The following SHLD2 variants were observed in gnomAD, a reference collection of about 807,000 sequenced individuals.
SHLD2 encodes RINN1-REV7-interacting novel NHEJ regulator 2.
Under a neutral mutation model 73.2 loss-of-function variants are expected in SHLD2, and 30 were observed. That is an observed-to-expected ratio of 0.41 (90% CI 0.31 to 0.56). The LOEUF (loss-of-function observed/expected upper bound fraction) is 0.56. SHLD2 is among the 20% of genes least tolerant of loss of function. SHLD2 has a pLI of 0.28. For missense variants in SHLD2, 745 were observed against 1,055.9 expected, an observed-to-expected ratio of 0.71 and a Z score of 4.08; for synonymous variants, 285 against 370.1, an observed-to-expected ratio of 0.77 and a Z score of 2.64.
intron 2 of SHLD2, among the ~76,000 whole-genome samples, chr10:87,147,698 T>C (rs10466230): frequency 0.16 from 24,227 of 151,350 alleles, 2,049 homozygotes; most frequent in African/African-American, 0.19. Flanking sequence ...ATTATATGAC[T>C]TTTTTTCTGA....
intron 2 of SHLD2, among the ~76,000 whole-genome samples, chr10:87,133,595 T>C (rs1423395756): frequency 6.6e-6 from 1 of 152,240 alleles, no homozygotes; most frequent in Non-Finnish European, 1.5e-5. Flanking sequence ...TCTTATTCTA[T>C]TGTGAAGAAT....
At chr10:87,123,686 G>A (rs1176621513) in intron 2 of SHLD2, among the ~76,000 whole-genome samples, 4 of 152,152 alleles carry the variant, frequency 2.6e-5, no homozygotes, top group African/African-American at 9.7e-5. Context: ...AGTGTTTGAG[G>A]TGGGGTCTGT....
chr10:87,149,914 GT>G (rs1226241768), intron 2 of SHLD2, among the ~76,000 whole-genome samples: 5 of 152,024 alleles, frequency 3.3e-5, no homozygotes, highest in Middle Eastern at 3.4e-3. Flanking sequence ...AAATTTTTTA[GT>G]TTTTAAATAT....
At chr10:87,135,743 C>T (rs1470135023) in intron 2 of SHLD2, among the ~76,000 whole-genome samples, 3 of 150,570 alleles carry the variant, frequency 2.0e-5, no homozygotes, top group African/African-American at 7.3e-5. Context: ...TCATGCAATC[C>T]TCCCACTTCA....
Position 87,152,454 on chromosome 10 carries a change from A to T in SHLD2, c.1100A>T (p.Gln367Leu). 2.5e-6 allele frequency: 4 copies of T among 1,605,530 alleles called. No individual in the cohort carries two copies. The South Asian group carries it at 4.5e-5, about 18-fold the overall frequency. ...ELCSSGILCS[Q>L]LNTFHKSAIK... ...TGTAGCTCAGGAATACTGTGTTCCC[A>T]ACTAAATACCTTCCACAAAAGTGCT... The change falls in exon 3 of 10, where the codon CAA (glutamine) becomes CTA (leucine). Residue 367 changes from glutamine to leucine, a missense_variant. Gln to Leu is a moderately radical substitution (Grantham distance 113). Around this residue, in one of 5 missense-constraint regions of SHLD2, gnomAD observed 26 missense variants for 86.4 expected, o/e 0.30. Transcript: ENST00000298786.
chr10:87,169,904 A>T (rs1164149250), intron 4 of SHLD2, among the ~76,000 whole-genome samples: 1 of 152,174 alleles, frequency 6.6e-6, no homozygotes, highest in Non-Finnish European at 1.5e-5. Flanking sequence ...ACAAAGCAGC[A>T]CTGTGAATCT....
intron 2 of SHLD2, among the ~76,000 whole-genome samples, chr10:87,107,370 T>C (rs1044705738): frequency 6.6e-6 from 1 of 152,008 alleles, no homozygotes; most frequent in Non-Finnish European, 1.5e-5. Flanking sequence ...GCCGAGGTCT[T>C]GCCACTGCAC....
Position 87,178,847 on chromosome 10 carries a change from C to T in SHLD2, c.2171-1228C>T, listed in dbSNP as rs577696887. ...TGCTAACTCATGTAGGGATATGTGA[C>T]ACAATTGGAAGAGATGATGAAACCA... On this transcript the variant is annotated intron_variant, in intron 7 of 9. Transcript: ENST00000298786. 9.2e-5 allele frequency among the ~76,000 whole-genome samples: 14 copies of T among 152,266 alleles called. No homozygotes were observed. The South Asian group carries it at 2.9e-3, about 32-fold the overall frequency.
intron 2 of SHLD2, among the ~76,000 whole-genome samples, chr10:87,118,628 T>A (rs1843397214): frequency 6.7e-6 from 1 of 149,124 alleles, no homozygotes; most frequent in Admixed American, 6.8e-5. Context: ...CATTGTAATT[T>A]GTTTTTTAAA....
chr10:87,146,375 C>T (rs1412644196), intron 2 of SHLD2, among the ~76,000 whole-genome samples: 1 of 152,030 alleles, frequency 6.6e-6, no homozygotes, highest in African/African-American at 2.4e-5. Flanking sequence ...CTCACTGCAA[C>T]CTCCACCTCC....
chr10:87,115,251 A>G (rs1004021474), intron 2 of SHLD2: 12 of 152,044 alleles, frequency 7.9e-5, no homozygotes, highest in Non-Finnish European at 1.5e-4. Flanking sequence ...GGGTTTCACC[A>G]TGCTGGCCAG....
chr10:87,098,855 A>G (rs941143833), intron 2 of SHLD2, among the ~76,000 whole-genome samples: 3 of 152,168 alleles, frequency 2.0e-5, no homozygotes, highest in Non-Finnish European at 4.4e-5. Context: ...AGTTTACCAC[A>G]GCCTGGACTT....
At chr10:87,125,564 G>A (rs1357480746) in intron 2 of SHLD2, among the ~76,000 whole-genome samples, 8 of 152,280 alleles carry the variant, frequency 5.3e-5, no homozygotes, top group East Asian at 1.9e-4. Context: ...GTGAAACCCC[G>A]TCTCTACTGA....
intron 2 of SHLD2, among the ~76,000 whole-genome samples, chr10:87,142,482 A>G (rs544782281): frequency 9.2e-5 from 14 of 152,258 alleles, no homozygotes; most frequent in Non-Finnish European, 1.9e-4. Context: ...TTCCTTTTGT[A>G]AACTCTGTTT....
At chr10:87,188,439 G>A (rs1848769353) in intron 9 of SHLD2, among the ~76,000 whole-genome samples, 1 of 152,056 alleles carries the variant, frequency 6.6e-6, no homozygotes, top group Admixed American at 6.5e-5. Flanking sequence ...GCAGTTGAAG[G>A]CTTTTGTTCC....
intron 2 of SHLD2, among the ~76,000 whole-genome samples, chr10:87,117,520 G>A (rs1464417287): frequency 2.6e-5 from 4 of 151,192 alleles, no homozygotes; most frequent in East Asian, 2.0e-4. Flanking sequence ...TAGGCTGGGC[G>A]TGGTGGCTCA....
Position 87,187,099 on chromosome 10 carries a change from C to T in SHLD2, c.2414C>T (p.Thr805Ile). ...CTCTTTTGTAGGCCAGCGTTAATGA[C>T]TGCCATTGATGGAAGACATGATGTT... The part of the protein sequence containing the change: ...KKIYYRPALM[T>I]AIDGRHDVCI... Residue 805 changes from threonine to isoleucine, a missense_variant, in exon 9 of 10, where the codon ACT (threonine) becomes ATT (isoleucine). Coordinates refer to ENST00000298786, the MANE Select transcript of SHLD2 (RefSeq NM_001330112.2). 6.2e-7 allele frequency: 1 copy of T among 1,611,158 alleles called. No individual in the cohort carries two copies. The highest frequency in any genetic ancestry group is 8.5e-7 in the Non-Finnish European group (1 of 1,177,528).
chr10:87,188,749 CT>C (rs1193012155), intron 9 of SHLD2, among the ~76,000 whole-genome samples: 1 of 152,142 alleles, frequency 6.6e-6, no homozygotes, highest in Non-Finnish European at 1.5e-5. Context: ...AGGCACCTGT[CT>C]CCTTATGTTT....
intron 8 of SHLD2, among the ~76,000 whole-genome samples, chr10:87,184,468 A>G (rs573629900): frequency 2.6e-5 from 4 of 151,914 alleles, no homozygotes; most frequent in Non-Finnish European, 4.4e-5. Context: ...GCTGGTCTGG[A>G]ATCACTCAGG....
Sources: allele counts gnomAD v4.1 joint callset (sites outside exome capture counted in the v4.1 genomes callset), GRCh38; gene constraint gnomAD v4.1.1; regional missense constraint gnomAD v4.1.1; transcripts MANE v1.5; gene names NCBI Gene and HGNC (gene_info 2026-07-23, HGNC 2026-07-21).